The following EMC3 variants were observed in gnomAD, a reference collection of about 807,000 sequenced individuals.
EMC3 encodes 30 kDa protein.
A neutral mutation model predicts 36.6 loss-of-function variants in EMC3; 13 were observed. The ratio of observed to expected loss-of-function variants is 0.35; its 90% CI spans 0.23 to 0.56. The LOEUF is 0.56. Ranked by LOEUF, EMC3 falls within the 20% of genes least tolerant of loss-of-function variation. EMC3 has a pLI of 0.84. For missense variants in EMC3, 220 were observed against 324.5 expected (o/e 0.68, Z 2.47); for synonymous variants, 120 against 111.9 (o/e 1.07, Z -0.46).
Position 9,997,896 on chromosome 3 carries a change from C to T in EMC3, c.-241-10994G>A, listed in dbSNP as rs77528304. Among the ~76,000 whole-genome samples, 366 of 152,134 alleles carry T rather than the reference C, an allele frequency of 2.4e-3. 12 individuals are homozygous for T. The East Asian group carries it at 0.063, about 26-fold the overall frequency. ...AAATATTTGTTTGAGTCCCTGTTTT[C>T]GGTTCTTTAGGGTATATAAGAGTGG... On this transcript the variant is annotated intron_variant, in intron 1 of 8. Transcript: ENST00000470827.
intron 1 of EMC3, chr3:10,002,753 G>A (rs1302109050): frequency 4.5e-6 from 2 of 448,234 alleles, no homozygotes; most frequent in Admixed American, 4.8e-5. Flanking sequence ...CTGCACAACT[G>A]GATACACCCA....
At chr3:10,006,192 CGTCCAAGCTGAGAA>C (rs984807677) in intron 1 of EMC3, among the ~76,000 whole-genome samples, 41 of 152,356 alleles carry the variant, frequency 2.7e-4, no homozygotes, top group South Asian at 6.2e-4. Flanking sequence ...AAGCCAGCAT[CGTCCAAGCTGAGAA>C]GTCCAAGCTG....
intron 1 of EMC3, among the ~76,000 whole-genome samples, chr3:9,979,065 A>G (rs1021915138): frequency 1.3e-5 from 2 of 152,054 alleles, no homozygotes; most frequent in South Asian, 2.1e-4. Context: ...GCTTTTCCCA[A>G]TGCCTGGAGC....
intron 5 of EMC3, among the ~76,000 whole-genome samples, chr3:9,972,804 T>G (rs938578307): frequency 6.7e-6 from 1 of 150,168 alleles, no homozygotes; most frequent in African/African-American, 2.4e-5. Flanking sequence ...CTGATTCCAA[T>G]GAAGTATTGC....
intron 1 of EMC3, among the ~76,000 whole-genome samples, chr3:9,994,632 G>A (rs2086100844): frequency 3.3e-5 from 5 of 151,416 alleles, no homozygotes; most frequent in African/African-American, 4.9e-5. Context: ...GTACAGTGGC[G>A]CAATCTCGGC....
intron 1 of EMC3, chr3:10,007,584 G>A: frequency 7.3e-7 from 1 of 1,367,612 alleles, no homozygotes; most frequent in Non-Finnish European, 9.8e-7. Flanking sequence ...AGGCATCCTG[G>A]GTGTCAGGGG....
chr3:10,007,673 C>T, intron 1 of EMC3: 1 of 1,332,830 alleles, frequency 7.5e-7, no homozygotes, highest in Non-Finnish European at 1.0e-6. Context: ...AAGGTAGGTT[C>T]CAGCTTCCCA....
At chr3:9,971,556 T>C (rs1043835992) in intron 5 of EMC3, among the ~76,000 whole-genome samples, 6 of 152,208 alleles carry the variant, frequency 3.9e-5, no homozygotes, top group African/African-American at 1.4e-4. Context: ...ACAGTGGTAA[T>C]TGTACACTCA....
At chr3:9,993,826 T>A (rs532268809) in intron 1 of EMC3, among the ~76,000 whole-genome samples, 122 of 151,064 alleles carry the variant, frequency 8.1e-4, no homozygotes, top group African/African-American at 2.9e-3. Flanking sequence ...TAGACCAACT[T>A]CAAATTATAA....
At chr3:9,970,237 G>A (rs1337584145) in intron 6 of EMC3, among the ~76,000 whole-genome samples, 1 of 152,196 alleles carries the variant, frequency 6.6e-6, no homozygotes, top group Non-Finnish European at 1.5e-5. Flanking sequence ...AAACAAGAGA[G>A]CAAGGATTAG....
chr3:9,965,694 A>T (rs2085730796), intron 7 of EMC3, among the ~76,000 whole-genome samples: 1 of 152,174 alleles, frequency 6.6e-6, no homozygotes, highest in African/African-American at 2.4e-5. Context: ...AACCTCTGGC[A>T]ACTACTACGT....
At chr3:9,993,085 T>C (rs1332460476) in intron 1 of EMC3, 1 of 827,310 alleles carries the variant, frequency 1.2e-6, no homozygotes, top group Non-Finnish European at 2.1e-6. Flanking sequence ...TTTCATCTTA[T>C]TTCAGTCCAT....
intron 1 of EMC3, among the ~76,000 whole-genome samples, chr3:10,009,602 C>T (rs972476462): frequency 2.0e-5 from 3 of 152,228 alleles, no homozygotes; most frequent in Admixed American, 6.5e-5. Context: ...CTCTTGCCAT[C>T]CCTTGTCCCA....
intron 1 of EMC3, among the ~76,000 whole-genome samples, chr3:10,001,113 T>G (rs141015553): frequency 7.9e-5 from 12 of 152,222 alleles, no homozygotes; most frequent in Non-Finnish European, 1.2e-4. Context: ...TTTCTTAAAT[T>G]TAGGTCTTTG....
At chr3:9,998,648 T>C (rs1011736668) in intron 1 of EMC3, among the ~76,000 whole-genome samples, 4 of 151,948 alleles carry the variant, frequency 2.6e-5, no homozygotes, top group Non-Finnish European at 4.4e-5. Flanking sequence ...CTCATTGTGG[T>C]TTGATTTGCA....
At chr3:9,965,105 A>T (rs1209106661) in intron 7 of EMC3, among the ~76,000 whole-genome samples, 14 of 124,502 alleles carry the variant, frequency 1.1e-4, no homozygotes, top group South Asian at 7.9e-4. Context: ...AAAATAAATT[A>T]AAAAAAAAAA....
At chr3:9,968,336 A>G (rs546468997) in intron 7 of EMC3, among the ~76,000 whole-genome samples, 14 of 152,376 alleles carry the variant, frequency 9.2e-5, no homozygotes, top group Middle Eastern at 3.4e-3. Context: ...TAGAAATACA[A>G]TTGATGTTGA....
At chr3:9,992,299 A>T (rs1575692835) in intron 1 of EMC3, among the ~76,000 whole-genome samples, 1 of 150,944 alleles carries the variant, frequency 6.6e-6, no homozygotes. Context: ...TTTTTTTTGT[A>T]TTTTTTAGTA....
chr3:9,985,753 G>C (rs1559354288), intron 1 of EMC3, among the ~76,000 whole-genome samples: 1 of 152,070 alleles, frequency 6.6e-6, no homozygotes, highest in Non-Finnish European at 1.5e-5. Flanking sequence ...AATTAGTCAG[G>C]TGTGGTGGTG....
Sources: gnomAD v4.1 joint callset for allele counts (sites outside exome capture counted in the v4.1 genomes callset) on GRCh38, gnomAD v4.1.1 for gene constraint, MANE v1.5 for transcripts, NCBI Gene and HGNC (gene_info 2026-07-23, HGNC 2026-07-21) for gene names.